Variants in LRP5 observed in about 807,000 individuals in gnomAD.
LRP5 encodes LDL receptor related protein 5, also known as low-density lipoprotein receptor-related protein 5.
LRP5 carries 62 observed loss-of-function variants against 154.1 expected under a neutral mutation model. The ratio of observed to expected loss-of-function variants is 0.40; its 90% CI spans 0.33 to 0.50. The LOEUF (loss-of-function observed/expected upper bound fraction) is 0.50. LRP5 is among the 20% of genes least tolerant of loss of function. LRP5 has a pLI of 0.55. For synonymous variants in LRP5, 966 were observed against 1,011.5 expected (o/e 0.96, Z 0.85); for missense variants, 1,915 against 2,336.7 (o/e 0.82, Z 3.72).
chr11:68,336,818 C>A (rs1317288941), intron 1 of LRP5, among the ~76,000 whole-genome samples: 1 of 152,160 alleles, frequency 6.6e-6, no homozygotes, highest in African/African-American at 2.4e-5. Context: ...CACTTATCGT[C>A]GTAACCATTT....
At chr11:68,309,456 A>G (rs904231975), upstream of LRP5, among the ~76,000 whole-genome samples, 3 of 150,828 alleles carry the variant, frequency 2.0e-5, no homozygotes, top group Non-Finnish European at 2.9e-5. Context: ...GCTGGTCTTG[A>G]ACTCCTGACC....
intron 5 of LRP5, among the ~76,000 whole-genome samples, chr11:68,376,306 C>A (rs1274548880): frequency 6.6e-6 from 1 of 151,988 alleles, no homozygotes; most frequent in Middle Eastern, 3.4e-3. Context: ...CTCAGCCTCC[C>A]GAGTAGCTTG....
Position 68,373,068 on chromosome 11 carries a change from T to TG in LRP5, c.1015+7372dup, listed in dbSNP as rs1397217073. On this transcript the variant is annotated intron_variant, in intron 5 of 22. Transcript: ENST00000294304. ...AGGGAGGACTGTGTGGGGCAGGTTG[T>TG]GGGGGGCGGCGCTAGCATGGCTGGA... Among the ~76,000 whole-genome samples, 7 of 150,046 alleles carry TG rather than the reference T, an allele frequency of 4.7e-5. No individual in the cohort carries two copies. The South Asian group carries it at 1.3e-3, about 27-fold the overall frequency.
At chr11:68,420,861 G>C (rs971182252) in intron 13 of LRP5, among the ~76,000 whole-genome samples, 1 of 152,148 alleles carries the variant, frequency 6.6e-6, no homozygotes, top group Non-Finnish European at 1.5e-5. Context: ...AGGAAAAGGC[G>C]TGTTTGTGGT....
At chr11:68,405,837 G>T (rs1000460179) in intron 8 of LRP5, among the ~76,000 whole-genome samples, 7 of 152,248 alleles carry the variant, frequency 4.6e-5, no homozygotes, top group Non-Finnish European at 8.8e-5. Flanking sequence ...TTTCAGGGTT[G>T]CTGGGAATGT....
intron 13 of LRP5, among the ~76,000 whole-genome samples, chr11:68,417,052 A>T (rs2098662980): frequency 6.6e-6 from 1 of 152,266 alleles, no homozygotes. Context: ...CCTTTTGCAC[A>T]TTAAATGGTT....
chr11:68,390,226 C>T (rs1001158763), intron 7 of LRP5, among the ~76,000 whole-genome samples, 174 bp downstream of exon 7: 4 of 152,186 alleles, frequency 2.6e-5, no homozygotes, highest in Non-Finnish European at 5.9e-5. Context: ...GAGAGGGTAG[C>T]GCTATACAAC....
chr11:68,416,447 G>A lies in LRP5; in HGVS notation c.2947G>A (p.Asp983Asn), dbSNP rs776844865. Residue 983 changes from aspartate to asparagine, a missense_variant, in exon 13 of 23, where the codon GAC becomes AAC. Coordinates refer to ENST00000294304, the MANE Select transcript of LRP5 (RefSeq NM_002335.4). ...TGGACTGAGGAACGTCAAAGCCATCGACTATGACCCACTGGACAAGTTCAT... is the reference window on the plus strand; with the variant it reads ...TGGACTGAGGAACGTCAAAGCCATCAACTATGACCCACTGGACAAGTTCAT... ...LHGLRNVKAI[D>N]YDPLDKFIYW... 6.2e-6 allele frequency: 10 copies of A among 1,614,046 alleles called. No individual in the cohort carries two copies. The highest frequency in any genetic ancestry group is 2.7e-5 in the African/African-American group (2 of 74,916).
intron 7 of LRP5, among the ~76,000 whole-genome samples, chr11:68,397,634 G>A (rs1018052373): frequency 5.2e-5 from 7 of 135,198 alleles, no homozygotes; most frequent in Non-Finnish European, 9.9e-5. Flanking sequence ...CGGTTGGCCC[G>A]AGTTCCCATC....
At position 68,423,770 on chromosome 11, in the gene LRP5, C is replaced by G; in HGVS notation, c.3236+73C>G. 3 of 1,454,540 alleles carry G rather than the reference C, an allele frequency of 2.1e-6. No homozygotes were observed. In the East Asian group the frequency reaches 6.9e-5, roughly 33 times the overall value. The allele number at this position is 1,454,540 out of a possible 1,614,324, so 90.1% of individuals were successfully genotyped here. A position where few individuals can be genotyped will look rare whatever the true frequency, so the allele number is the denominator to read the frequency against. ...CGCCGTGTCTTCTGCCGAATGCCAG[C>G]CTCTCACAGGCTGGGGAGACTTTCC... On this transcript the variant is annotated intron_variant, in intron 14 of 22. Transcript: ENST00000294304. The surrounding 1 kb of genome is among the most constrained non-coding windows in gnomAD (Gnocchi z 4.7).
chr11:68,373,258 G>C (rs1170873804), intron 5 of LRP5, among the ~76,000 whole-genome samples: 8 of 152,220 alleles, frequency 5.3e-5, no homozygotes, highest in Non-Finnish European at 1.2e-4. Context: ...AAAGCCAGCT[G>C]GGTGTAGGGA....
At chr11:68,326,696 G>C (rs1397323203) in intron 1 of LRP5, among the ~76,000 whole-genome samples, 5 of 152,388 alleles carry the variant, frequency 3.3e-5, no homozygotes, top group Admixed American at 2.6e-4. Context: ...TCTGGGATGA[G>C]AGCAGACCCT....
At chr11:68,327,063 G>A (rs2098600110) in intron 1 of LRP5, among the ~76,000 whole-genome samples, 1 of 152,208 alleles carries the variant, frequency 6.6e-6, no homozygotes, top group African/African-American at 2.4e-5. Flanking sequence ...ATCTGCCCTG[G>A]CCAAGCTGTG....
intron 18 of LRP5, among the ~76,000 whole-genome samples, chr11:68,434,545 A>G (rs2153179187): frequency 6.6e-6 from 1 of 151,930 alleles, no homozygotes; most frequent in East Asian, 1.9e-4. Flanking sequence ...ATGCCTGGCT[A>G]ATTTTTGTAT....
In LRP5 at chr11:68,448,936, C is replaced by A. The variant is rs778783757; in HGVS notation, c.4714C>A (p.Pro1572Thr). 1 of 1,613,284 alleles carries A rather than the reference C, an allele frequency of 6.2e-7. No homozygotes were observed. Among genetic ancestry groups the A allele is most frequent in the Admixed American group, 1.7e-5 (1 of 59,968 alleles). Residue 1572 changes from proline (P) to threonine (T), a missense_variant, in exon 23 of 23, where the codon CCC (proline) becomes ACC (threonine). Physicochemically the swap from Pro to Thr is conservative, Grantham distance 38 (BLOSUM62 -1). This residue lies in a region of LRP5 where 1,094 missense variants were observed against 1,210.1 expected (regional missense o/e 0.90). Coordinates refer to ENST00000294304, the MANE Select transcript of LRP5 (RefSeq NM_002335.4). ...YYLDLNSDSD[P>T]YPPPPTPHSQ... ...CCTGGATTTGAACTCGGACTCAGACCCCTATCCACCCCCACCCACGCCCCA... is the reference window on the plus strand; with the variant it reads ...CCTGGATTTGAACTCGGACTCAGACACCTATCCACCCCCACCCACGCCCCA...
At chr11:68,435,409 G>A (rs942878832) in intron 18 of LRP5, among the ~76,000 whole-genome samples, 1 of 152,176 alleles carries the variant, frequency 6.6e-6, no homozygotes, top group African/African-American at 2.4e-5. Context: ...TTCTAGTGAG[G>A]TCTCAGGAAG....
intron 5 of LRP5, among the ~76,000 whole-genome samples, chr11:68,375,223 C>T (rs767734087): frequency 5.3e-5 from 8 of 152,190 alleles, no homozygotes; most frequent in African/African-American, 1.7e-4. Context: ...TCTGCTCTCC[C>T]TCCCCAGTTC....
At chr11:68,311,803 T>G (rs1158729296), upstream of LRP5, among the ~76,000 whole-genome samples, 1 of 152,126 alleles carries the variant, frequency 6.6e-6, no homozygotes, top group Non-Finnish European at 1.5e-5. Context: ...GGCACAGTCG[T>G]TCTAGAAAGT....
Position 68,446,548 on chromosome 11 carries a change from G to A in LRP5, c.4586+15G>A, listed in dbSNP as rs933157011. 4 of 1,605,078 alleles carry A rather than the reference G, an allele frequency of 2.5e-6. No individual in the cohort carries two copies. Among genetic ancestry groups the A allele is most frequent in the African/African-American group, 2.7e-5 (2 of 74,746 alleles). ...AGACCGTACAGGTAGGACATCCCCT[G>A]CAGCCCTCCATGGCCATTGGGTTCC... is the stretch of plus-strand genomic sequence containing the variant. On this transcript the variant is annotated intron_variant, in intron 22 of 22. Transcript: ENST00000294304.
Sources: allele counts gnomAD v4.1 joint callset (sites outside exome capture counted in the v4.1 genomes callset), GRCh38; gene constraint gnomAD v4.1.1; regional missense constraint gnomAD v4.1.1; non-coding constraint Gnocchi (gnomAD v3.1); transcripts MANE v1.5; gene names NCBI Gene and HGNC (gene_info 2026-07-23, HGNC 2026-07-21).